Variants in PLSCR2 observed in about 807,000 individuals in gnomAD.
PLSCR2 encodes PL scramblase 2.
A neutral mutation model predicts 25.3 loss-of-function variants in PLSCR2; 18 were observed. The ratio of observed to expected loss-of-function variants is 0.71; its 90% CI spans 0.49 to 1.06. The LOEUF is 1.06. PLSCR2 is among the 50% of genes least tolerant of loss of function. PLSCR2 has a pLI of 0.00. For synonymous variants in PLSCR2, 88 were observed against 87.3 expected (o/e 1.01, Z -0.04); for missense variants, 243 against 269.5 (o/e 0.90, Z 0.69).
chr3:146,391,436 CTTTA>C (rs1326560398), exon 4 of PLSCR2: 1 of 152,460 alleles, frequency 6.6e-6, no homozygotes, highest in Non-Finnish European at 1.5e-5. Context: ...TAAAATAAAA[CTTTA>C]TTTAGATATT....
At chr3:146,445,658 C>A (rs115627725) in intron 6 of PLSCR2, among the ~76,000 whole-genome samples, 1,633 of 152,054 alleles carry the variant, frequency 0.011, 24 homozygotes, top group African/African-American at 0.038. Context: ...AGTTCTATAA[C>A]CTTCTTGTAT....
chr3:146,484,816 G>A (rs796485173), intron 1 of PLSCR2, among the ~76,000 whole-genome samples: 2 of 152,036 alleles, frequency 1.3e-5, no homozygotes, highest in Non-Finnish European at 2.9e-5. Flanking sequence ...GGAAAAACTG[G>A]TATTAGCTAC....
rs544874991 is a variant in PLSCR2 at position 146,394,245 on chromosome 3, C to A, written c.*145+1515G>T. ...AAGAGACTACAGATACTTTAAAAATCCAATTTAACAATTTCTTTTCTTTTC... is the reference window on the plus strand; with the variant it reads ...AAGAGACTACAGATACTTTAAAAATACAATTTAACAATTTCTTTTCTTTTC... On this transcript the variant is annotated intron_variant and NMD_transcript_variant, in intron 3 of 3. Transcript: ENST00000463633. Among the ~76,000 whole-genome samples the A allele has an allele frequency of 2.1e-4, 32 of 152,024 alleles. No homozygotes were observed. In the Middle Eastern group the frequency reaches 0.014, roughly 65 times the overall value.
chr3:146,430,391 A>G (rs775147927), downstream of PLSCR2, among the ~76,000 whole-genome samples: 2 of 152,112 alleles, frequency 1.3e-5, no homozygotes, highest in Non-Finnish European at 2.9e-5. Flanking sequence ...AAAGTCAGGA[A>G]GCCATTGTAT....
chr3:146,412,585 CG>C (rs1262144719), intron 2 of PLSCR2, among the ~76,000 whole-genome samples: 7 of 152,124 alleles, frequency 4.6e-5, no homozygotes, highest in Non-Finnish European at 1.0e-4. Context: ...AACAAATTTT[CG>C]GTGCCACAAA....
intron 2 of PLSCR2, among the ~76,000 whole-genome samples, chr3:146,403,057 C>G (rs969088854): frequency 6.6e-6 from 1 of 151,986 alleles, no homozygotes; most frequent in Admixed American, 6.6e-5. Flanking sequence ...ATTCTTCCAG[C>G]CCTACCCTAT....
chr3:146,412,209 T>C (rs931266333), intron 2 of PLSCR2, among the ~76,000 whole-genome samples: 3 of 152,080 alleles, frequency 2.0e-5, no homozygotes, highest in African/African-American at 7.2e-5. Context: ...GCTTGCACCT[T>C]TCTCAGGCTG....
intron 1 of PLSCR2, among the ~76,000 whole-genome samples, chr3:146,469,975 A>C (rs535950580): frequency 2.4e-4 from 37 of 152,232 alleles, no homozygotes; most frequent in Non-Finnish European, 4.4e-4. Context: ...TACCCCGGGA[A>C]CTTCCTTAAC....
At chr3:146,406,641 G>A (rs2038668418) in intron 2 of PLSCR2, among the ~76,000 whole-genome samples, 1 of 152,160 alleles carries the variant, frequency 6.6e-6, no homozygotes, top group Non-Finnish European at 1.5e-5. Context: ...CAGTTTTAAA[G>A]GGGCTTGACC....
chr3:146,460,083 C>A (rs1254475377), exon 2 of PLSCR2: 1 of 1,511,444 alleles, frequency 6.6e-7, no homozygotes, highest in Non-Finnish European at 8.9e-7. Context: ...TCCGGGAGGT[C>A]CTGAAATAGG....
At chr3:146,400,294 G>A (rs1346578454) in intron 2 of PLSCR2, among the ~76,000 whole-genome samples, 1 of 151,534 alleles carries the variant, frequency 6.6e-6, no homozygotes, top group Non-Finnish European at 1.5e-5. Context: ...TCAGAGTAAA[G>A]TGAAGGTATA....
At chr3:146,440,770 G>A (rs1313382819), downstream of PLSCR2, among the ~76,000 whole-genome samples, 2 of 151,850 alleles carry the variant, frequency 1.3e-5, no homozygotes, top group Non-Finnish European at 2.9e-5. Context: ...GTGTTATCCA[G>A]TTTTTTTTAT....
downstream of PLSCR2, among the ~76,000 whole-genome samples, chr3:146,432,163 T>A (rs910179849): frequency 6.6e-6 from 1 of 152,176 alleles, no homozygotes; most frequent in Non-Finnish European, 1.5e-5. Context: ...TAAGAATATC[T>A]GTATGAACTT....
At chr3:146,417,936 A>G (rs556623076) in intron 2 of PLSCR2, among the ~76,000 whole-genome samples, 5 of 152,268 alleles carry the variant, frequency 3.3e-5, no homozygotes, top group South Asian at 4.1e-4. Context: ...GAAGTTTGCA[A>G]TGGGTCCTCA....
intron 1 of PLSCR2, among the ~76,000 whole-genome samples, chr3:146,483,775 A>T (rs1390162422): frequency 1.3e-5 from 2 of 151,718 alleles, no homozygotes; most frequent in African/African-American, 4.8e-5. Flanking sequence ...ACAAAACCCC[A>T]TCTAAAGGTC....
intron 6 of PLSCR2, among the ~76,000 whole-genome samples, chr3:146,442,040 C>A (rs1227069714): frequency 6.6e-6 from 1 of 152,010 alleles, no homozygotes; most frequent in Admixed American, 6.6e-5. Context: ...TATTTATTGA[C>A]ACCTGCATTA....
rs146827715 is a variant in PLSCR2 at position 146,448,009 on chromosome 3, C to T, written c.645+1197G>A. 4.0e-3 allele frequency among the ~76,000 whole-genome samples: 612 copies of T among 152,234 alleles called. 3 individuals carry two copies. The highest frequency in any genetic ancestry group is 0.014 in the African/African-American group (581 of 41,546). ...TCCCACAATCACTGTGTTCTCCCTC[C>T]CCCAACCACACAGATTTTCTCTCTC... On this transcript the variant is annotated intron_variant, in intron 6 of 6. Coordinates refer to ENST00000610787, the Ensembl canonical transcript of PLSCR2.
chr3:146,405,518 G>T (rs2108016468), intron 2 of PLSCR2, among the ~76,000 whole-genome samples: 1 of 152,192 alleles, frequency 6.6e-6, no homozygotes, highest in East Asian at 1.9e-4. Flanking sequence ...AAGGAAAAGG[G>T]AGAGTCTAAA....
intron 3 of PLSCR2, among the ~76,000 whole-genome samples, chr3:146,394,940 C>T (rs1021937428): frequency 2.0e-5 from 3 of 152,216 alleles, no homozygotes; most frequent in African/African-American, 7.2e-5. Flanking sequence ...CTTGTACTCA[C>T]TGTTTCCTGC....
Sources: allele counts gnomAD v4.1 joint callset (sites outside exome capture counted in the v4.1 genomes callset), GRCh38; gene constraint gnomAD v4.1.1; transcripts MANE v1.5; gene names NCBI Gene and HGNC (gene_info 2026-07-23, HGNC 2026-07-21).